The following C11orf54 variants were observed in gnomAD, a reference collection of about 807,000 sequenced individuals.
The protein encoded by C11orf54 is beta-keto-L-gulonate decarboxylase, also known as beta-keto L-gulonate decarboxylase.
Under a neutral mutation model 35.5 loss-of-function variants are expected in C11orf54, and 29 were observed. That is an observed-to-expected ratio of 0.82 (90% CI 0.61 to 1.11). C11orf54 has a LOEUF of 1.11. Ranked by LOEUF, C11orf54 falls within the 50% of genes most tolerant of loss-of-function variation. The pLI is 0.00. For synonymous variants in C11orf54, 108 were observed against 121.1 expected (o/e 0.89, Z 0.71); for missense variants, 373 against 369.2 (o/e 1.01, Z -0.08).
intron 3 of C11orf54, 25 bp downstream of exon 3, chr11:93,750,469 T>C (rs1942758201): frequency 6.5e-7 from 1 of 1,534,490 alleles, no homozygotes; most frequent in African/African-American, 1.4e-5. Flanking sequence ...CAATTAGCTT[T>C]TGTTTTTTAG....
Position 93,761,537 on chromosome 11 carries a change from A to C in C11orf54, c.797A>C (p.His266Pro). ...TAGGGGTTTGATTTGCGACTGGAGCACACTCATTTTTTTAGTCGTCATGGA... is the reference window on the plus strand; with the variant it reads ...TAGGGGTTTGATTTGCGACTGGAGCCCACTCATTTTTTTAGTCGTCATGGA... ...RDPGFDLRLE[H>P]THFFSRHGEG... The change falls in exon 9 of 9, where the codon CAC (histidine) becomes CCC (proline). Residue 266 changes from histidine (H) to proline (P), a missense_variant. By Grantham distance (77) the His-to-Pro change is moderately conservative. Transcript: ENST00000354421. 1 of 1,610,446 alleles carries C rather than the reference A, an allele frequency of 6.2e-7. No individual in the cohort carries two copies. Among genetic ancestry groups the C allele is most frequent in the Non-Finnish European group, 8.5e-7 (1 of 1,178,706 alleles).
Position 93,750,357 on chromosome 11 carries a change from G to C in C11orf54, c.67G>C (p.Gly23Arg). The change falls in exon 3 of 9, where the codon GGG becomes CGG. Residue 23 changes from glycine (G) to arginine (R), a missense_variant. By Grantham distance (125) the Gly-to-Arg change is moderately radical. Coordinates refer to ENST00000354421, the MANE Select transcript of C11orf54 (RefSeq NM_001286069.2). ...LEELAGVMQK[G>R]LKDNFADVQV... ...CTTGTCTTTATTAGTTATGCAGAAG[G>C]GGTTAAAAGATAACTTTGCTGATGT... 3.1e-6 allele frequency: 5 copies of C among 1,613,106 alleles called. No individual in the cohort carries two copies. The highest frequency in any genetic ancestry group is 4.2e-6 in the Non-Finnish European group (5 of 1,179,336).
intron 5 of C11orf54, 31 bp downstream of exon 5, chr11:93,754,068 T>C (rs778821739): frequency 6.4e-7 from 1 of 1,571,164 alleles, no homozygotes; most frequent in East Asian, 2.2e-5. Flanking sequence ...TATTTTACTT[T>C]ATTGGTTTGA....
chr11:93,752,411 G>C, intron 3 of C11orf54, among the ~76,000 whole-genome samples: 1 of 152,106 alleles, frequency 6.6e-6, no homozygotes, highest in South Asian at 2.1e-4. Context: ...AAGATCACCA[G>C]TGACCTTAAA....
rs990765563 is a variant in C11orf54, at chr11:93,755,328, A to G, written c.449A>G (p.His150Arg). The change falls in exon 6 of 9, where the codon CAT (histidine) becomes CGT (arginine). Residue 150 changes from histidine to arginine, a missense_variant. Transcript: ENST00000354421. Reference sequence around the variant, plus strand: ...CTGGAGAAATACAGTGAGAAATGTCATGATTTTCAGTGTGCATTACTGGCT... The same window carrying G: ...CTGGAGAAATACAGTGAGAAATGTCGTGATTTTCAGTGTGCATTACTGGCT... ...CLLEKYSEKC[H>R]DFQCALLANL... The G allele has an allele frequency of 5.6e-6, 9 of 1,614,100 alleles. No homozygotes were observed. Among genetic ancestry groups the G allele is most frequent in the South Asian group, 1.1e-5 (1 of 91,086 alleles).
At chr11:93,746,589 T>TA (rs1191902995) in intron 1 of C11orf54, 5 of 152,248 alleles carry the variant, frequency 3.3e-5, no homozygotes, top group African/African-American at 1.2e-4. Flanking sequence ...AAATATCAAA[T>TA]TATAATTGGA....
At chr11:93,751,626 G>T (rs1175925965) in intron 3 of C11orf54, among the ~76,000 whole-genome samples, 2 of 151,524 alleles carry the variant, frequency 1.3e-5, no homozygotes, top group Admixed American at 6.6e-5. Context: ...GGATGGTCTC[G>T]ATCTCCTGAC....
rs1287739499 is a variant in C11orf54, at chr11:93,762,212, C to T, written c.*524C>T. The T allele has an allele frequency of 6.6e-6, 1 of 151,782 alleles. No individual in the cohort carries two copies. Among genetic ancestry groups the T allele is most frequent in the Non-Finnish European group, 1.5e-5 (1 of 67,978 alleles). The allele number at this position is 151,782 out of a possible 1,614,324, so 9.4% of individuals were successfully genotyped here. ...ATTTGTATAACATTATTACATTTTG[C>T]AAATTAGTATCACAACTGCTAAGTA... is the stretch of plus-strand genomic sequence containing the variant. On this transcript the variant is annotated 3_prime_UTR_variant, in exon 9 of 9. Coordinates refer to ENST00000354421, the MANE Select transcript of C11orf54 (RefSeq NM_001286069.2).
chr11:93,749,629 A>G (rs1166574479), intron 2 of C11orf54, among the ~76,000 whole-genome samples: 2 of 152,116 alleles, frequency 1.3e-5, no homozygotes, highest in African/African-American at 4.8e-5. Flanking sequence ...AGCCTGGGCA[A>G]TATAGCAAGA....
chr11:93,754,069 A>G, intron 5 of C11orf54, 32 bp downstream of exon 5: 1 of 1,570,352 alleles, frequency 6.4e-7, no homozygotes, highest in South Asian at 1.1e-5. Flanking sequence ...ATTTTACTTT[A>G]TTGGTTTGAC....
intron 1 of C11orf54, chr11:93,745,795 A>G (rs553016767): frequency 4.6e-5 from 7 of 152,442 alleles, no homozygotes; most frequent in African/African-American, 1.7e-4. Context: ...CAACCTGGGC[A>G]ACATGGTGAA....
rs527652964 is a variant in C11orf54 at position 93,756,795 on chromosome 11, ACT to A, written c.508-517_508-516del. On this transcript the variant is annotated intron_variant, in intron 6 of 8. Transcript: ENST00000354421. ...GATTTCAGTGTTAGCTTTTGTGAAGACTCTCCAGTTTTGGAAGTAGAGATAGC... is the reference window on the plus strand; with the variant it reads ...GATTTCAGTGTTAGCTTTTGTGAAGACTCCAGTTTTGGAAGTAGAGATAGC... Among the ~76,000 whole-genome samples, 327 of 152,156 alleles carry A rather than the reference ACT, an allele frequency of 2.1e-3. 2 individuals are homozygous for A. The highest frequency in any genetic ancestry group is 7.5e-3 in the South Asian group (36 of 4,814).
Position 93,761,499 on chromosome 11 carries a change from T to C in C11orf54, c.775-16T>C, listed in dbSNP as rs1943468085. The C allele has an allele frequency of 1.3e-6, 2 of 1,587,874 alleles. No individual in the cohort carries two copies. Among genetic ancestry groups the C allele is most frequent in the Non-Finnish European group, 1.7e-6 (2 of 1,168,362 alleles). On this transcript the variant is annotated splice_polypyrimidine_tract_variant and intron_variant, in intron 8 of 8. Transcript: ENST00000354421. ...AATAATTTGAGTACTAACATATTGT[T>C]TGTCTGTTATCTTAGGGGTTTGATT...
intron 3 of C11orf54, among the ~76,000 whole-genome samples, chr11:93,751,613 C>T (rs1008023085): frequency 2.0e-5 from 3 of 151,420 alleles, no homozygotes; most frequent in African/African-American, 7.3e-5. Flanking sequence ...ACCGTGTTAG[C>T]CAGGATGGTC....
Position 93,759,654 on chromosome 11 carries a change from A to G in C11orf54, c.658-88A>G, listed in dbSNP as rs559588665. 46 of 572,394 alleles carry G rather than the reference A, an allele frequency of 8.0e-5. No homozygotes were observed. In the South Asian group the frequency reaches 2.4e-3, roughly 30 times the overall value. 35.5% of individuals were successfully genotyped at this position (572,394 alleles called of 1,614,324 possible). On this transcript the variant is annotated intron_variant, in intron 7 of 8. Transcript: ENST00000354421. ...AGAACTTCAAGTATAATTAAACAATAATAATAAATAAGTAAAATATATTTT... is the reference window on the plus strand; with the variant it reads ...AGAACTTCAAGTATAATTAAACAATGATAATAAATAAGTAAAATATATTTT...
chr11:93,755,668 G>A (rs562824618), intron 6 of C11orf54, among the ~76,000 whole-genome samples: 117 of 149,754 alleles, frequency 7.8e-4, no homozygotes, highest in Middle Eastern at 3.4e-3. Context: ...TGAGAGAATC[G>A]CTCAGACTCG....
intron 1 of C11orf54, among the ~76,000 whole-genome samples, chr11:93,744,696 C>T (rs1565254498): frequency 6.6e-6 from 1 of 152,218 alleles, no homozygotes; most frequent in Non-Finnish European, 1.5e-5. Context: ...CAACCCAAAA[C>T]TGAAGGGGGC....
chr11:93,745,631 T>A (rs905891539), intron 1 of C11orf54, among the ~76,000 whole-genome samples: 1 of 152,168 alleles, frequency 6.6e-6, no homozygotes, highest in African/African-American at 2.4e-5. Context: ...ACAGTAACAG[T>A]CTGAGCTCTC....
At position 93,759,847 on chromosome 11, in the gene C11orf54, TC is replaced by T; in HGVS notation, c.765del (p.Arg256GlufsTer32). The T allele has an allele frequency of 6.3e-7, 1 of 1,586,096 alleles. No homozygotes were observed. Among genetic ancestry groups the T allele is most frequent in the Non-Finnish European group, 8.6e-7 (1 of 1,156,524 alleles). On this transcript the variant is annotated frameshift_variant, in exon 8 of 9. Transcript: ENST00000354421. LOFTEE classifies it high-confidence loss of function. ...TTTGGTTTGTCTACCAGTTTTTGTC[TC>T]CAGAGACCCAGTAAGTCTGTGTCTG... ...APLVCLPVFVSRDPGFDLRLE... is the reference protein window; with the variant it reads ...APLVCLPVFVXRDPGFDLRLE...
Sources: allele counts gnomAD v4.1 joint callset (sites outside exome capture counted in the v4.1 genomes callset), GRCh38; gene constraint gnomAD v4.1.1; transcripts MANE v1.5; gene names NCBI Gene and HGNC (gene_info 2026-07-23, HGNC 2026-07-21).